The following PPM1L variants were observed in gnomAD, a reference collection of about 807,000 sequenced individuals.
PPM1L encodes the protein protein phosphatase, Mg2+/Mn2+ dependent 1L.
PPM1L carries 13 observed loss-of-function variants against 31.4 expected under a neutral mutation model. The observed-to-expected ratio is 0.41, with a 90% CI of 0.27 to 0.66. PPM1L has a LOEUF of 0.66. Among genes scored for constraint, PPM1L ranks in the 30% least tolerant of loss-of-function variants. The probability of loss-of-function intolerance (pLI) is 0.29; values close to 1 mark genes in which losing one functional copy is unlikely to be tolerated. For synonymous variants in PPM1L, 184 were observed against 175.4 expected (o/e 1.05, Z -0.39); for missense variants, 326 against 453.7 (o/e 0.72, Z 2.56).
intron 2 of PPM1L, among the ~76,000 whole-genome samples, chr3:161,000,278 C>T (rs539236067): frequency 1.3e-5 from 2 of 152,092 alleles, no homozygotes; most frequent in East Asian, 1.9e-4. Context: ...ATAAAGAATT[C>T]GAAGTGGAAG....
chr3:160,817,375 G>A lies in PPM1L; in HGVS notation c.399+60668G>A, dbSNP rs541887763. ...GAAGAGAGGCAAGATTTGTTGAGATGTGAGGTAATGAAAGTGTGAACTAGA... is the reference window on the plus strand; with the variant it reads ...GAAGAGAGGCAAGATTTGTTGAGATATGAGGTAATGAAAGTGTGAACTAGA... On this transcript the variant is annotated intron_variant, in intron 1 of 3. Coordinates refer to ENST00000498165, the MANE Select transcript of PPM1L (RefSeq NM_139245.4). 2.0e-5 allele frequency among the ~76,000 whole-genome samples: 3 copies of A among 152,198 alleles called. No homozygotes were observed. In the East Asian group the frequency reaches 5.8e-4, roughly 29 times the overall value.
At chr3:161,043,938 C>T (rs1201638949) in intron 2 of PPM1L, among the ~76,000 whole-genome samples, 1 of 152,198 alleles carries the variant, frequency 6.6e-6, no homozygotes, top group East Asian at 1.9e-4. Flanking sequence ...GAAATCACAT[C>T]TTCCAGCTCA....
chr3:160,872,460 A>C (rs1309547508), intron 1 of PPM1L, among the ~76,000 whole-genome samples: 4 of 152,242 alleles, frequency 2.6e-5, no homozygotes, highest in African/African-American at 9.6e-5. Context: ...TCAACAAGAC[A>C]AACATGTCAG....
At chr3:160,853,057 T>A (rs1314220188) in intron 1 of PPM1L, among the ~76,000 whole-genome samples, 1 of 152,138 alleles carries the variant, frequency 6.6e-6, no homozygotes, top group Non-Finnish European at 1.5e-5. Flanking sequence ...CAGCTGGAGG[T>A]AGCTTCTGGC....
intron 1 of PPM1L, among the ~76,000 whole-genome samples, chr3:160,783,266 C>T (rs1390432600): frequency 6.6e-6 from 1 of 152,050 alleles, no homozygotes; most frequent in Non-Finnish European, 1.5e-5. Context: ...AAATGATTCT[C>T]AGGAAAAGAA....
intron 1 of PPM1L, among the ~76,000 whole-genome samples, chr3:160,867,303 T>C (rs1369942911): frequency 1.3e-5 from 2 of 151,708 alleles, no homozygotes; most frequent in East Asian, 3.8e-4. Flanking sequence ...ATTTACTATT[T>C]TGGCCTGAAA....
intron 1 of PPM1L, among the ~76,000 whole-genome samples, chr3:160,947,527 C>T (rs1360229961): frequency 6.6e-6 from 1 of 152,064 alleles, no homozygotes; most frequent in Non-Finnish European, 1.5e-5. Context: ...CCCATTCCTC[C>T]TTCACCCCCA....
intron 1 of PPM1L, among the ~76,000 whole-genome samples, chr3:160,856,971 C>T (rs894009494): frequency 2.6e-5 from 4 of 152,068 alleles, no homozygotes; most frequent in Admixed American, 1.3e-4. Context: ...AACCAAATTT[C>T]TGAAACTTCT....
chr3:160,889,468 G>A (rs992015155), intron 1 of PPM1L, among the ~76,000 whole-genome samples: 1 of 152,060 alleles, frequency 6.6e-6, no homozygotes, highest in Admixed American at 6.6e-5. Context: ...TGAATCCTTG[G>A]ATGAGACCAA....
chr3:160,860,814 G>A (rs983356296), intron 1 of PPM1L, among the ~76,000 whole-genome samples: 8 of 152,038 alleles, frequency 5.3e-5, no homozygotes, highest in African/African-American at 9.7e-5. Flanking sequence ...GCCTTCCTGC[G>A]GTATTGTACA....
At chr3:160,821,473 CG>C (rs1713201122) in intron 1 of PPM1L, among the ~76,000 whole-genome samples, 1 of 151,914 alleles carries the variant, frequency 6.6e-6, no homozygotes, top group Non-Finnish European at 1.5e-5. Context: ...TCTCTAACGT[CG>C]TCAAAATATT....
At chr3:160,818,241 C>A (rs1335512817) in intron 1 of PPM1L, among the ~76,000 whole-genome samples, 1 of 151,924 alleles carries the variant, frequency 6.6e-6, no homozygotes, top group African/African-American at 2.4e-5. Flanking sequence ...AAGCACAGAC[C>A]AAACTACAGC....
At chr3:160,891,843 G>C (rs982506604) in intron 1 of PPM1L, among the ~76,000 whole-genome samples, 1 of 152,216 alleles carries the variant, frequency 6.6e-6, no homozygotes, top group Non-Finnish European at 1.5e-5. Context: ...TATGTCCTTT[G>C]CAGGAATGTG....
intron 1 of PPM1L, among the ~76,000 whole-genome samples, chr3:160,848,094 T>G (rs377702184): frequency 1.1e-4 from 16 of 152,342 alleles, no homozygotes; most frequent in African/African-American, 3.6e-4. Flanking sequence ...ATCTTTATAT[T>G]CTTGGTGCTT....
rs139048937 is a variant in PPM1L, at chr3:160,826,719, A to G, written c.399+70012A>G. The stretch of plus-strand genomic sequence containing the variant: ...AAGTACTATCTTTAAAAGAAAATGT[A>G]CATTTACAACACTCATTGAAACAAA... On this transcript the variant is annotated intron_variant, in intron 1 of 3. Transcript: ENST00000498165. Among the ~76,000 whole-genome samples the G allele has an allele frequency of 1.2e-4, 18 of 152,310 alleles. No homozygotes were observed. In the East Asian group the frequency reaches 3.5e-3, roughly 29 times the overall value.
intron 1 of PPM1L, among the ~76,000 whole-genome samples, chr3:160,878,769 T>G (rs16831563): frequency 0.33 from 49,881 of 152,072 alleles, 8,606 homozygotes; most frequent in East Asian, 0.51. Context: ...TTTTTAAAAA[T>G]ATCAGGTATA....
intron 1 of PPM1L, among the ~76,000 whole-genome samples, chr3:160,765,817 G>A (rs991169440): frequency 2.0e-5 from 3 of 152,016 alleles, no homozygotes; most frequent in East Asian, 1.9e-4. Flanking sequence ...TTCAAGCTTC[G>A]ACTTTTTTTT....
chr3:160,756,966 A>T lies in PPM1L; in HGVS notation c.399+259A>T, dbSNP rs1047817722. Among the ~76,000 whole-genome samples the T allele has an allele frequency of 6.6e-6, 1 of 151,966 alleles. No homozygotes were observed. The highest frequency in any genetic ancestry group is 1.5e-5 in the Non-Finnish European group (1 of 67,984). The stretch of plus-strand genomic sequence containing the variant: ...GGGAAAGGAGAGTCATCCACAGCAT[A>T]TTTGTTGCTACTTAATGTGAGGTTC... On this transcript the variant is annotated intron_variant, in intron 1 of 3. Transcript: ENST00000498165. The surrounding 1 kb of genome is among the most constrained non-coding windows in gnomAD (Gnocchi z 6.2).
chr3:160,995,127 C>G (rs1190863474), intron 2 of PPM1L, among the ~76,000 whole-genome samples: 2 of 152,132 alleles, frequency 1.3e-5, no homozygotes, highest in East Asian at 1.9e-4. Flanking sequence ...TTTCAATGTT[C>G]TCAACAAGAG....
Sources: gnomAD v4.1 joint callset for allele counts (sites outside exome capture counted in the v4.1 genomes callset) on GRCh38, gnomAD v4.1.1 for gene constraint, Gnocchi (gnomAD v3.1) non-coding constraint, MANE v1.5 for transcripts, NCBI Gene and HGNC (gene_info 2026-07-23, HGNC 2026-07-21) for gene names.